EPHB1: variants seen among roughly 807,000 people sequenced by gnomAD.
EPHB1 encodes EPH receptor B1.
EPHB1 carries 30 observed loss-of-function variants against 94.4 expected under a neutral mutation model. The observed-to-expected ratio is 0.32, with a 90% CI of 0.24 to 0.43. The LOEUF is 0.43. Ranked by LOEUF, EPHB1 falls within the 20% of genes least tolerant of loss-of-function variation. EPHB1 has a pLI of 1.00. For missense variants in EPHB1, 1,055 were observed against 1,308.3 expected (o/e 0.81, Z 2.99); for synonymous variants, 522 against 489.1 (o/e 1.07, Z -0.89).
intron 3 of EPHB1, among the ~76,000 whole-genome samples, chr3:134,998,353 A>G (rs530017229): frequency 6.6e-5 from 10 of 152,336 alleles, no homozygotes; most frequent in Admixed American, 2.6e-4. Flanking sequence ...TCATGAAGTG[A>G]AAACTTTCTT....
chr3:135,106,929 C>T (rs1398710685), intron 4 of EPHB1, among the ~76,000 whole-genome samples: 6 of 152,150 alleles, frequency 3.9e-5, no homozygotes, highest in African/African-American at 1.4e-4. Flanking sequence ...ATTATCACTT[C>T]CTCCAAGAAG....
chr3:135,196,991 T>A (rs1303031646), intron 11 of EPHB1, among the ~76,000 whole-genome samples: 1 of 151,746 alleles, frequency 6.6e-6, no homozygotes, highest in Non-Finnish European at 1.5e-5. Flanking sequence ...GCGCGGTGGC[T>A]CACGCCTGTA....
chr3:135,211,835 G>C lies in EPHB1; in HGVS notation c.2346+10146G>C, dbSNP rs571087690. On this transcript the variant is annotated intron_variant, in intron 12 of 15. Coordinates refer to ENST00000398015, the MANE Select transcript of EPHB1 (RefSeq NM_004441.5). ...ATACTTTTTTCCCCAAATTTATCCT[G>C]TTTGAGGTTCCCTATGCTTTATAAG... Among the ~76,000 whole-genome samples, 3 of 152,190 alleles carry C rather than the reference G, an allele frequency of 2.0e-5. No individual in the cohort carries two copies. In the South Asian group the frequency reaches 6.2e-4, roughly 32 times the overall value.
At chr3:135,229,452 A>C (rs571754725) in intron 12 of EPHB1, among the ~76,000 whole-genome samples, 1 of 152,334 alleles carries the variant, frequency 6.6e-6, no homozygotes, top group South Asian at 2.1e-4. Context: ...GGGCGGGGGC[A>C]GGAAGAGAGA....
intron 1 of EPHB1, among the ~76,000 whole-genome samples, chr3:134,827,509 G>C (rs1320468318): frequency 6.6e-6 from 1 of 152,208 alleles, no homozygotes; most frequent in Non-Finnish European, 1.5e-5. Context: ...CACTTCCTCT[G>C]GGTTAGCCTA....
intron 3 of EPHB1, among the ~76,000 whole-genome samples, chr3:134,984,190 C>A (rs966352658): frequency 6.6e-6 from 1 of 152,314 alleles, no homozygotes; most frequent in Admixed American, 6.5e-5. Context: ...TGCCTCTTTG[C>A]ATTGCCAGTG....
intron 4 of EPHB1, among the ~76,000 whole-genome samples, chr3:135,117,296 A>T (rs1559837735): frequency 1.3e-5 from 2 of 152,152 alleles, no homozygotes; most frequent in African/African-American, 4.8e-5. Flanking sequence ...TTTTGTAGTG[A>T]TTTATTTTGA....
intron 1 of EPHB1, among the ~76,000 whole-genome samples, chr3:134,796,594 A>T (rs2035832383): frequency 6.6e-6 from 1 of 152,226 alleles, no homozygotes; most frequent in African/African-American, 2.4e-5. Context: ...AGCGCTCGCG[A>T]ATCCCTGTGG....
At position 134,886,228 on chromosome 3, in the gene EPHB1, C is replaced by T. The variant is rs148384652; in HGVS notation, c.59-39588C>T. 6.1e-3 allele frequency among the ~76,000 whole-genome samples: 930 copies of T among 152,266 alleles called. 10 individuals are homozygous for T. The highest frequency in any genetic ancestry group is 0.021 in the African/African-American group (883 of 41,544). ...CTTGTTACCTGTGTGGTCCTGTTCACGTGTCTTATGTTTTCTGAGCCCCAG... is the reference window on the plus strand; with the variant it reads ...CTTGTTACCTGTGTGGTCCTGTTCATGTGTCTTATGTTTTCTGAGCCCCAG... On this transcript the variant is annotated intron_variant, in intron 1 of 15. Transcript: ENST00000398015.
At chr3:135,010,689 A>G (rs1935591488) in intron 3 of EPHB1, among the ~76,000 whole-genome samples, 1 of 150,786 alleles carries the variant, frequency 6.6e-6, no homozygotes, top group Non-Finnish European at 1.5e-5. Context: ...TCATCCTCGC[A>G]GGTAGCTGGG....
At chr3:135,208,682 A>G (rs923674872) in intron 12 of EPHB1, among the ~76,000 whole-genome samples, 4 of 152,242 alleles carry the variant, frequency 2.6e-5, no homozygotes. Flanking sequence ...ATAAATATGG[A>G]AAGCATAAAA....
chr3:134,991,462 G>A (rs9289488), intron 3 of EPHB1, among the ~76,000 whole-genome samples: 43,405 of 152,064 alleles, frequency 0.29, 6,860 homozygotes, highest in African/African-American at 0.4. Flanking sequence ...GCCTCAGAGT[G>A]GAGATCTGCA....
chr3:135,116,631 A>G (rs1939727044), intron 4 of EPHB1, among the ~76,000 whole-genome samples: 1 of 152,084 alleles, frequency 6.6e-6, no homozygotes, highest in Non-Finnish European at 1.5e-5. Flanking sequence ...CCCTCTGTTG[A>G]TGACCACTGA....
chr3:134,843,014 C>A (rs1363849669), intron 1 of EPHB1, among the ~76,000 whole-genome samples: 2 of 151,974 alleles, frequency 1.3e-5, no homozygotes, highest in Non-Finnish European at 2.9e-5. Flanking sequence ...TTTCAAGTTA[C>A]CTTCTGGTGT....
chr3:135,083,914 G>T (rs543963072), intron 3 of EPHB1, among the ~76,000 whole-genome samples: 2 of 152,042 alleles, frequency 1.3e-5, no homozygotes, highest in Non-Finnish European at 2.9e-5. Flanking sequence ...TCACCCTGGG[G>T]CCCCCTCCCT....
chr3:135,056,595 A>C (rs1473878356), intron 3 of EPHB1, among the ~76,000 whole-genome samples: 2 of 152,270 alleles, frequency 1.3e-5, no homozygotes, highest in East Asian at 3.8e-4. Context: ...GCAGGCCCAC[A>C]ACCAGGCAAA....
chr3:134,995,208 G>T (rs1398141340), intron 3 of EPHB1, among the ~76,000 whole-genome samples: 2 of 152,182 alleles, frequency 1.3e-5, no homozygotes, highest in African/African-American at 4.8e-5. Flanking sequence ...ATTACAAGGT[G>T]CTGTATAAAT....
intron 1 of EPHB1, among the ~76,000 whole-genome samples, chr3:134,817,098 A>C (rs2036286850): frequency 6.6e-6 from 1 of 152,176 alleles, no homozygotes; most frequent in Non-Finnish European, 1.5e-5. Flanking sequence ...GGGGGCACTA[A>C]AGATTAATCA....
intron 11 of EPHB1, among the ~76,000 whole-genome samples, chr3:135,194,061 A>G (rs1009809600): frequency 8.5e-5 from 13 of 152,158 alleles, no homozygotes; most frequent in African/African-American, 3.1e-4. Context: ...AAGAAAAAGC[A>G]TCCCAAGAGA....
Sources: gnomAD v4.1 joint callset for allele counts (sites outside exome capture counted in the v4.1 genomes callset) on GRCh38, gnomAD v4.1.1 for gene constraint, MANE v1.5 for transcripts, NCBI Gene and HGNC (gene_info 2026-07-23, HGNC 2026-07-21) for gene names.